MRPL50: variants seen among roughly 807,000 people sequenced by gnomAD.
The protein encoded by MRPL50 is mitochondrial ribosomal protein L50, also known as large ribosomal subunit protein mL50.
A neutral mutation model predicts 16.2 loss-of-function variants in MRPL50; 10 were observed. That is an observed-to-expected ratio of 0.62 (90% CI 0.38 to 1.05). MRPL50 has a LOEUF of 1.05. MRPL50 is among the 50% of genes least tolerant of loss of function. The pLI is 0.01. For synonymous variants in MRPL50, 68 were observed against 66.8 expected (o/e 1.02, Z -0.09); for missense variants, 213 against 187.1 (o/e 1.14, Z -0.81).
At chr9:101,392,641 T>C (rs1323222891) in intron 1 of MRPL50, among the ~76,000 whole-genome samples, 1 of 151,806 alleles carries the variant, frequency 6.6e-6, no homozygotes, top group African/African-American at 2.4e-5. Context: ...GTAATAAAAG[T>C]CTCCCATCAA....
chr9:101,391,150 C>T (rs1300640988), intron 1 of MRPL50, among the ~76,000 whole-genome samples: 1 of 152,064 alleles, frequency 6.6e-6, no homozygotes, highest in Non-Finnish European at 1.5e-5. Context: ...CCCCAATCTA[C>T]CTTTCTGGTC....
intron 1 of MRPL50, among the ~76,000 whole-genome samples, chr9:101,392,817 CCAGA>C (rs1284183769): frequency 6.6e-6 from 1 of 151,892 alleles, no homozygotes. Context: ...GAGGCCAAAA[CCAGA>C]CAAAGACAAA....
Position 101,389,387 on chromosome 9 carries a change from T to G in MRPL50, c.*1079A>C. Reference sequence around the variant, plus strand: ...AGTTCTTGAATGAAGTGCCTGTGGATGATATTTGTAGGGCATGTCTATACT... The same window carrying G: ...AGTTCTTGAATGAAGTGCCTGTGGAGGATATTTGTAGGGCATGTCTATACT... On this transcript the variant is annotated 3_prime_UTR_variant, in exon 2 of 2. Transcript: ENST00000374865. 366 of 1,072,964 alleles carry G rather than the reference T, an allele frequency of 3.4e-4. No individual in the cohort carries two copies. Among genetic ancestry groups the G allele is most frequent in the Non-Finnish European group, 4.1e-4 (333 of 803,968 alleles). The allele number at this position is 1,072,964 out of a possible 1,614,324, so 66.5% of individuals were successfully genotyped here. A position where few individuals can be genotyped will look rare whatever the true frequency, so the allele number is the denominator to read the frequency against.
intron 1 of MRPL50, among the ~76,000 whole-genome samples, chr9:101,393,860 A>G (rs1393167930): frequency 1.3e-5 from 2 of 151,952 alleles, no homozygotes; most frequent in African/African-American, 4.8e-5. Context: ...TGCTTATGCT[A>G]CCCAAAGCGA....
intron 1 of MRPL50, among the ~76,000 whole-genome samples, chr9:101,397,024 T>C (rs572313560): frequency 1.3e-5 from 2 of 152,242 alleles, no homozygotes; most frequent in African/African-American, 4.8e-5. Context: ...GAAGAGACGT[T>C]GGACAAAGGT....
chr9:101,394,099 G>T (rs540119700), intron 1 of MRPL50, among the ~76,000 whole-genome samples: 1 of 152,032 alleles, frequency 6.6e-6, no homozygotes, highest in South Asian at 2.1e-4. Flanking sequence ...ACCTTGGGAA[G>T]GAAATGAGTT....
chr9:101,393,339 T>C (rs1381766445), intron 1 of MRPL50, among the ~76,000 whole-genome samples: 1 of 152,062 alleles, frequency 6.6e-6, no homozygotes, highest in Non-Finnish European at 1.5e-5. Context: ...TTTCATCACT[T>C]GTATTCAACA....
In MRPL50 at chr9:101,390,014, G is replaced by A; in HGVS notation, c.*452C>T. 1.1e-6 allele frequency: 1 copy of A among 923,540 alleles called. No homozygotes were observed. The highest frequency in any genetic ancestry group is 1.3e-6 in the Non-Finnish European group (1 of 773,098). The allele number at this position is 923,540 out of a possible 1,614,324, so 57.2% of individuals were successfully genotyped here. On this transcript the variant is annotated 3_prime_UTR_variant, in exon 2 of 2. Coordinates refer to ENST00000374865, the MANE Select transcript of MRPL50 (RefSeq NM_019051.3). ...TTCTAAAAGAAATTAATCTAGAACT[G>A]TCAGTAATACACAACATACTTTTAT... is the stretch of plus-strand genomic sequence containing the variant.
intron 1 of MRPL50, among the ~76,000 whole-genome samples, chr9:101,393,990 CA>C (rs76598460): frequency 0.3 from 19,687 of 66,602 alleles, 716 homozygotes; most frequent in East Asian, 0.37. Flanking sequence ...TAATGCTAAG[CA>C]AAAAAAAAAA....
chr9:101,390,432 A>G lies in MRPL50; in HGVS notation c.*34T>C. On this transcript the variant is annotated 3_prime_UTR_variant, in exon 2 of 2. Transcript: ENST00000374865. ...GAGCAGCCCCCTTGCTCAGGGAAAGACAGTGATTTCAATGTGTTTCTCTTC... is the reference window on the plus strand; with the variant it reads ...GAGCAGCCCCCTTGCTCAGGGAAAGGCAGTGATTTCAATGTGTTTCTCTTC... 6.3e-7 allele frequency: 1 copy of G among 1,582,876 alleles called. No homozygotes were observed. The highest frequency in any genetic ancestry group is 8.6e-7 in the Non-Finnish European group (1 of 1,164,222).
In MRPL50 at chr9:101,390,106, A is replaced by C; in HGVS notation, c.*360T>G. On this transcript the variant is annotated 3_prime_UTR_variant, in exon 2 of 2. Transcript: ENST00000374865. ...TATGTGCAATGCATAACTCTATCTT[A>C]GATATGAATCCTAACAGGATGAAAA... 9.8e-7 allele frequency: 1 copy of C among 1,017,324 alleles called. No homozygotes were observed. The highest frequency in any genetic ancestry group is 1.2e-6 in the Non-Finnish European group (1 of 849,718). The allele number at this position is 1,017,324 out of a possible 1,614,324, so 63.0% of individuals were successfully genotyped here.
At chr9:101,392,131 A>G (rs559825336) in intron 1 of MRPL50, among the ~76,000 whole-genome samples, 244 of 152,204 alleles carry the variant, frequency 1.6e-3, no homozygotes, top group African/African-American at 5.3e-3. Context: ...AAATGAAAAC[A>G]CAACACATCA....
Position 101,394,177 on chromosome 9 carries a change from AC to A in MRPL50, c.93-3328del, listed in dbSNP as rs536128728. On this transcript the variant is annotated intron_variant, in intron 1 of 1. Coordinates refer to ENST00000374865, the MANE Select transcript of MRPL50 (RefSeq NM_019051.3). ...GAAAAGACCTCCCTCTTGCCTGGGA[AC>A]CAGTTTGCTTTTGTAGGACTAACAA... Among the ~76,000 whole-genome samples, 4 of 152,256 alleles carry A rather than the reference AC, an allele frequency of 2.6e-5. No homozygotes were observed. The East Asian group carries it at 7.7e-4, about 29-fold the overall frequency.
intron 1 of MRPL50, among the ~76,000 whole-genome samples, chr9:101,396,707 G>A (rs1830345208): frequency 6.6e-6 from 1 of 152,168 alleles, no homozygotes; most frequent in South Asian, 2.1e-4. Context: ...ACTTTGGGAG[G>A]CTGAGGTAGG....
In MRPL50 at chr9:101,393,453, G is replaced by A. The variant is rs150398121; in HGVS notation, c.93-2603C>T. On this transcript the variant is annotated intron_variant, in intron 1 of 1. Transcript: ENST00000374865. ...GTTCTTATTTGATATATGATCTTACGTATCATACGTAAGATATATGATCTT... is the reference window on the plus strand; with the variant it reads ...GTTCTTATTTGATATATGATCTTACATATCATACGTAAGATATATGATCTT... 9.4e-4 allele frequency among the ~76,000 whole-genome samples: 143 copies of A among 151,962 alleles called. No homozygotes were observed. In the East Asian group the frequency reaches 0.013, roughly 14 times the overall value.
chr9:101,388,013 T>C lies in MRPL50; in HGVS notation c.*2453A>G, dbSNP rs755752725. 2 of 152,048 alleles carry C rather than the reference T, an allele frequency of 1.3e-5. No individual in the cohort carries two copies. Among genetic ancestry groups the C allele is most frequent in the Non-Finnish European group, 2.9e-5 (2 of 67,984 alleles). The allele number at this position is 152,048 out of a possible 1,614,324, so 9.4% of individuals were successfully genotyped here. ...TTTACCTTCCCTGTTAGGATGTGTT[T>C]ACCCTCGTCGGCTAAATTTACCAAG... On this transcript the variant is annotated 3_prime_UTR_variant, in exon 2 of 2. Coordinates refer to ENST00000374865, the MANE Select transcript of MRPL50 (RefSeq NM_019051.3).
rs1381682095 is a variant in MRPL50, at chr9:101,390,137, T to C, written c.*329A>G. 9.6e-7 allele frequency: 1 copy of C among 1,042,020 alleles called. No homozygotes were observed. The highest frequency in any genetic ancestry group is 1.2e-6 in the Non-Finnish European group (1 of 866,036). The allele number at this position is 1,042,020 out of a possible 1,614,324, so 64.5% of individuals were successfully genotyped here. ...GAATCCTAACAGGATGAAAATACTT[T>C]CTTGCAACTACTTTATGCTTATGAA... On this transcript the variant is annotated 3_prime_UTR_variant, in exon 2 of 2. Transcript: ENST00000374865.
In MRPL50 at chr9:101,389,527, C is replaced by G. The variant is rs1028784488; in HGVS notation, c.*939G>C. 2.1e-5 allele frequency: 26 copies of G among 1,216,406 alleles called. No homozygotes were observed. The highest frequency in any genetic ancestry group is 3.1e-5 in the African/African-American group (2 of 63,860). 75.4% of individuals were successfully genotyped at this position (1,216,406 alleles called of 1,614,324 possible). On this transcript the variant is annotated 3_prime_UTR_variant, in exon 2 of 2. Transcript: ENST00000374865. The stretch of plus-strand genomic sequence containing the variant: ...AAATGCAACTTATTTTGTTAAAAAC[C>G]CTTCTATCACTTTTCTTTAGGAATT...
At chr9:101,396,372 T>C (rs1435115327) in intron 1 of MRPL50, among the ~76,000 whole-genome samples, 1 of 152,198 alleles carries the variant, frequency 6.6e-6, no homozygotes, top group Non-Finnish European at 1.5e-5. Flanking sequence ...CATTGCAGCA[T>C]GTGTGTATAC....
Sources: gnomAD v4.1 joint callset for allele counts (sites outside exome capture counted in the v4.1 genomes callset) on GRCh38, gnomAD v4.1.1 for gene constraint, MANE v1.5 for transcripts, NCBI Gene and HGNC (gene_info 2026-07-23, HGNC 2026-07-21) for gene names.